The following USH2A variants were observed in gnomAD, a reference collection of about 807,000 sequenced individuals.
The protein encoded by USH2A is usherin, also known as Usher syndrome 2A (autosomal recessive, mild).
Under a neutral mutation model 538.9 loss-of-function variants are expected in USH2A, and 443 were observed. The ratio of observed to expected loss-of-function variants is 0.82; its 90% confidence interval spans 0.76 to 0.89. USH2A has a LOEUF of 0.89. Ranked by LOEUF, USH2A falls within the 40% of genes least tolerant of loss-of-function variation. The pLI is 0.00. For missense variants in USH2A, 6,633 were observed against 6,324.8 expected (o/e 1.05, Z -1.65); for synonymous variants, 2,413 against 2,273.5 (o/e 1.06, Z -1.75).
intron 11 of USH2A, among the ~76,000 whole-genome samples, chr1:216,285,801 G>C (rs1306812049): frequency 6.6e-6 from 1 of 152,236 alleles, no homozygotes; most frequent in Non-Finnish European, 1.5e-5. Flanking sequence ...AAGATATGGA[G>C]TCAAAGGAGA....
chr1:215,720,643 G>A (rs1398417268), intron 61 of USH2A, among the ~76,000 whole-genome samples: 1 of 152,172 alleles, frequency 6.6e-6, no homozygotes, highest in Non-Finnish European at 1.5e-5. Context: ...TGCCAAGAAA[G>A]GAATGAGTTT....
chr1:215,750,458 A>G (rs764209535), intron 58 of USH2A, among the ~76,000 whole-genome samples: 4 of 152,184 alleles, frequency 2.6e-5, no homozygotes, highest in Admixed American at 6.6e-5. Flanking sequence ...TAGTTAAATG[A>G]CTAGAGGAAT....
At chr1:216,063,199 A>T (rs2031241348) in intron 30 of USH2A, among the ~76,000 whole-genome samples, 1 of 152,226 alleles carries the variant, frequency 6.6e-6, no homozygotes, top group South Asian at 2.1e-4. Context: ...TTTCTCAACC[A>T]ACTGGCAAAA....
chr1:216,099,054 G>T (rs1340532108), intron 21 of USH2A, among the ~76,000 whole-genome samples: 1 of 152,166 alleles, frequency 6.6e-6, no homozygotes, highest in East Asian at 1.9e-4. Context: ...TTTTTAGAGT[G>T]CTATTCCTTT....
chr1:215,855,740 C>A (rs1664147501), intron 44 of USH2A, among the ~76,000 whole-genome samples: 1 of 151,978 alleles, frequency 6.6e-6, no homozygotes. Context: ...CAAGACTATG[C>A]TAAAAGGACA....
At chr1:216,231,835 G>A (rs2035701341) in intron 14 of USH2A, 118 bp downstream of exon 14, 3 of 1,245,914 alleles carry the variant, frequency 2.4e-6, no homozygotes, top group Non-Finnish European at 3.5e-6. Flanking sequence ...TTACAGGTGT[G>A]AGCCACCAAG....
intron 60 of USH2A, among the ~76,000 whole-genome samples, chr1:215,728,874 C>A (rs73084846): frequency 0.041 from 6,165 of 151,954 alleles, 381 homozygotes; most frequent in African/African-American, 0.13. Context: ...TGTGTGTGTG[C>A]ATGTATGCAT....
At position 215,889,048 on chromosome 1, in the gene USH2A, C is replaced by T. The variant is rs867568375; in HGVS notation, c.7601G>A (p.Gly2534Glu). Residue 2534 changes from glycine (G) to glutamate (E), a missense_variant, in exon 41 of 72, where the codon GGA becomes GAA. By Grantham distance (98) the Gly-to-Glu change is moderately conservative. Transcript: ENST00000307340. ...CAGAAGAATCGGAGGAACTACAGGT[C>T]CAGGTTCTGTAAAGTAAAATAAATC... is the stretch of plus-strand genomic sequence containing the variant. The part of the protein sequence containing the change: ...IPFMTAEDKP[G>E]PVVPPILLDV... 5.0e-6 allele frequency: 8 copies of T among 1,613,582 alleles called. No individual in the cohort carries two copies. The highest frequency in any genetic ancestry group is 2.2e-5 in the East Asian group (1 of 44,840).
chr1:216,276,812 C>T (rs1571650233), intron 11 of USH2A, among the ~76,000 whole-genome samples: 1 of 152,122 alleles, frequency 6.6e-6, no homozygotes, highest in Non-Finnish European at 1.5e-5. Context: ...CATTCATTAT[C>T]ACAAGAACAG....
chr1:216,161,526 CAT>C (rs1180262232), intron 21 of USH2A, among the ~76,000 whole-genome samples: 3 of 152,034 alleles, frequency 2.0e-5, no homozygotes, highest in Non-Finnish European at 4.4e-5. Flanking sequence ...TTTTTTCTTA[CAT>C]GTTATCAACT....
chr1:216,410,973 GC>G (rs1173754967), intron 3 of USH2A, among the ~76,000 whole-genome samples: 2 of 152,032 alleles, frequency 1.3e-5, no homozygotes, highest in Non-Finnish European at 2.9e-5. Context: ...CCTCACTGCA[GC>G]CAAAGTGATC....
At chr1:215,740,150 C>G (rs2102724353) in intron 60 of USH2A, among the ~76,000 whole-genome samples, 1 of 152,278 alleles carries the variant, frequency 6.6e-6, no homozygotes, top group South Asian at 2.1e-4. Context: ...CACCTCCCCT[C>G]ACTTTCTCTA....
chr1:215,767,131 T>C lies in USH2A; in HGVS notation c.10940-343A>G, dbSNP rs12059168. 4.2e-3 allele frequency among the ~76,000 whole-genome samples: 641 copies of C among 152,308 alleles called. 3 individuals are homozygous for C. The highest frequency in any genetic ancestry group is 0.015 in the African/African-American group (613 of 41,564). On this transcript the variant is annotated intron_variant, in intron 55 of 71. Coordinates refer to ENST00000307340, the MANE Select transcript of USH2A (RefSeq NM_206933.4). Reference sequence around the variant, plus strand: ...TCTCTCAAAGAGCCCATTACATCTTTAGAGAGCCTTAGAGTTATCCTTATT... The same window carrying C: ...TCTCTCAAAGAGCCCATTACATCTTCAGAGAGCCTTAGAGTTATCCTTATT...
intron 9 of USH2A, among the ~76,000 whole-genome samples, chr1:216,321,244 T>C (rs933176689): frequency 3.9e-5 from 6 of 152,302 alleles, no homozygotes; most frequent in Non-Finnish European, 5.9e-5. Context: ...CAGCTATTTC[T>C]GATGTTGTTG....
intron 22 of USH2A, among the ~76,000 whole-genome samples, chr1:216,093,121 C>T (rs1007582925): frequency 1.6e-4 from 24 of 152,146 alleles, no homozygotes; most frequent in East Asian, 5.8e-4. Context: ...CCTGCCACCA[C>T]GCCCAGCTAA....
At chr1:216,048,412 T>C in intron 31 of USH2A, 122 bp downstream of exon 31, 1 of 978,970 alleles carries the variant, frequency 1.0e-6, no homozygotes, top group Non-Finnish European at 1.6e-6. Flanking sequence ...GGCCTGGCAA[T>C]GCACTTTGTC....
intron 9 of USH2A, among the ~76,000 whole-genome samples, chr1:216,297,907 T>C (rs2037137827): frequency 6.6e-6 from 1 of 152,150 alleles, no homozygotes; most frequent in African/African-American, 2.4e-5. Flanking sequence ...AATGAAAGAA[T>C]AGATGAAAAC....
intron 37 of USH2A, among the ~76,000 whole-genome samples, chr1:215,953,151 A>C (rs1666966714): frequency 6.6e-6 from 1 of 152,142 alleles, no homozygotes; most frequent in Admixed American, 6.5e-5. Context: ...AAGGTAATTT[A>C]TAGATTCAAT....
At chr1:216,342,929 C>G (rs907299903) in intron 4 of USH2A, among the ~76,000 whole-genome samples, 2 of 152,004 alleles carry the variant, frequency 1.3e-5, no homozygotes, top group African/African-American at 4.8e-5. Context: ...CAGCAAATCA[C>G]CATGGCACGC....
Sources: gnomAD v4.1 joint callset for allele counts (sites outside exome capture counted in the v4.1 genomes callset) on GRCh38, gnomAD v4.1.1 for gene constraint, MANE v1.5 for transcripts, NCBI Gene and HGNC (gene_info 2026-07-23, HGNC 2026-07-21) for gene names.